CDH8: variants seen among roughly 807,000 people sequenced by gnomAD.
CDH8 encodes the protein cadherin 8.
A neutral mutation model predicts 68.1 loss-of-function variants in CDH8; 17 were observed. The ratio of observed to expected loss-of-function variants is 0.25; its 90% confidence interval spans 0.17 to 0.37. CDH8 has a LOEUF of 0.37. Among genes scored for constraint, CDH8 ranks in the 10% least tolerant of loss-of-function variants. The pLI is 1.00. For missense variants in CDH8, 763 were observed against 999.3 expected, an observed-to-expected ratio of 0.76 and a Z score of 3.19; for synonymous variants, 372 against 365.1, an observed-to-expected ratio of 1.02 and a Z score of -0.21.
intron 3 of CDH8, among the ~76,000 whole-genome samples, chr16:61,866,618 T>G (rs1963259971): frequency 6.6e-6 from 1 of 152,044 alleles, no homozygotes; most frequent in African/African-American, 2.4e-5. Flanking sequence ...TAATATCAGA[T>G]GTTTCTGTTG....
intron 2 of CDH8, among the ~76,000 whole-genome samples, chr16:61,981,762 T>C (rs1965535919): frequency 6.6e-6 from 1 of 152,212 alleles, no homozygotes; most frequent in Admixed American, 6.5e-5. Flanking sequence ...GAGAATTTTC[T>C]CTGCATCCAG....
At position 61,679,417 on chromosome 16, in the gene CDH8, T is replaced by C. The variant is rs578224583; in HGVS notation, c.1655-23696A>G. Among the ~76,000 whole-genome samples the C allele has an allele frequency of 4.6e-5, 7 of 152,056 alleles. No individual in the cohort carries two copies. In the South Asian group the frequency reaches 1.5e-3, roughly 32 times the overall value. ...TGTTATCATTATACCAATGGAACAA[T>C]TTTTTTGAATGCATTTCTGGGCAGA... is the stretch of plus-strand genomic sequence containing the variant. On this transcript the variant is annotated intron_variant, in intron 10 of 11. Transcript: ENST00000577390.
intron 2 of CDH8, among the ~76,000 whole-genome samples, chr16:61,917,449 C>T (rs1423009588): frequency 6.6e-6 from 1 of 152,128 alleles, no homozygotes; most frequent in African/African-American, 2.4e-5. Flanking sequence ...CTAGTGTGTC[C>T]TGTTCCCCAG....
intron 2 of CDH8, among the ~76,000 whole-genome samples, chr16:62,003,649 C>A (rs534221369): frequency 6.6e-6 from 1 of 152,120 alleles, no homozygotes; most frequent in Non-Finnish European, 1.5e-5. Flanking sequence ...CTGTGTCTCA[C>A]GTCACTGTTG....
chr16:61,964,420 T>C (rs970134976), intron 2 of CDH8, among the ~76,000 whole-genome samples: 1 of 151,886 alleles, frequency 6.6e-6, no homozygotes, highest in African/African-American at 2.4e-5. Flanking sequence ...ATTTAGACAC[T>C]CCAATTCACA....
intron 8 of CDH8, among the ~76,000 whole-genome samples, chr16:61,782,683 G>A (rs1199977279): frequency 6.6e-6 from 1 of 152,122 alleles, no homozygotes. Flanking sequence ...AGACTTAAAT[G>A]TCCCTGTCTG....
At chr16:61,994,395 CTTGA>C (rs1363445254) in intron 2 of CDH8, among the ~76,000 whole-genome samples, 17 of 152,256 alleles carry the variant, frequency 1.1e-4, no homozygotes, top group Admixed American at 5.2e-4. Context: ...TGTGGATTCC[CTTGA>C]TTGTCTCCTC....
intron 2 of CDH8, among the ~76,000 whole-genome samples, chr16:61,919,409 A>C (rs1023037944): frequency 1.4e-5 from 2 of 147,008 alleles, no homozygotes; most frequent in African/African-American, 5.0e-5. Flanking sequence ...AGAAGTTGGA[A>C]ACTTTGAAAA....
chr16:61,986,979 A>G (rs904940255), intron 2 of CDH8, among the ~76,000 whole-genome samples: 3 of 152,208 alleles, frequency 2.0e-5, no homozygotes, highest in African/African-American at 2.4e-5. Context: ...TGGAAAAACA[A>G]TGAGAATCAC....
At chr16:61,764,935 T>G (rs1960550862) in intron 8 of CDH8, among the ~76,000 whole-genome samples, 1 of 152,058 alleles carries the variant, frequency 6.6e-6, no homozygotes, top group African/African-American at 2.4e-5. Flanking sequence ...CTATCTAATT[T>G]TATCTTATTT....
intron 8 of CDH8, among the ~76,000 whole-genome samples, chr16:61,736,510 C>T (rs148099544): frequency 6.6e-6 from 1 of 152,186 alleles, no homozygotes; most frequent in African/African-American, 2.4e-5. Flanking sequence ...ATATGAATGC[C>T]TCAGAAATCT....
chr16:61,966,595 C>G (rs1312006140), intron 2 of CDH8, among the ~76,000 whole-genome samples: 1 of 151,998 alleles, frequency 6.6e-6, no homozygotes. Flanking sequence ...CAGAAACACA[C>G]ACAGAGTAGT....
chr16:61,853,525 A>G (rs553654059), intron 4 of CDH8, among the ~76,000 whole-genome samples: 23 of 152,214 alleles, frequency 1.5e-4, no homozygotes, highest in African/African-American at 5.5e-4. Flanking sequence ...GACCCTTGAT[A>G]GTATGCCAGA....
intron 10 of CDH8, among the ~76,000 whole-genome samples, chr16:61,691,073 C>T (rs1191891340): frequency 6.6e-6 from 1 of 152,044 alleles, no homozygotes; most frequent in South Asian, 2.1e-4. Context: ...TTCGAAAAGG[C>T]CTGTTTTCCC....
At chr16:61,968,196 C>CA (rs530362524) in intron 2 of CDH8, among the ~76,000 whole-genome samples, 2 of 152,200 alleles carry the variant, frequency 1.3e-5, no homozygotes, top group African/African-American at 4.8e-5. Flanking sequence ...GATCCACTTC[C>CA]AAAAAATTAC....
chr16:61,663,896 G>T (rs1963617764), intron 10 of CDH8, among the ~76,000 whole-genome samples: 1 of 151,964 alleles, frequency 6.6e-6, no homozygotes, highest in African/African-American at 2.4e-5. Flanking sequence ...GTCTTGAGGG[G>T]GAGGGAAACA....
chr16:61,779,344 A>T (rs548472841), intron 8 of CDH8, among the ~76,000 whole-genome samples: 19 of 151,950 alleles, frequency 1.3e-4, no homozygotes, highest in South Asian at 4.2e-4. Context: ...GGAAAATTTT[A>T]AAAAAAAGAA....
Position 61,834,902 on chromosome 16 carries a change from C to T in CDH8, c.668-9723G>A, listed in dbSNP as rs561181785. Among the ~76,000 whole-genome samples the T allele has an allele frequency of 2.0e-5, 3 of 152,032 alleles. No individual in the cohort carries two copies. In the South Asian group the frequency reaches 6.2e-4, roughly 32 times the overall value. On this transcript the variant is annotated intron_variant, in intron 4 of 11. Transcript: ENST00000577390. ...AAGGTCTTGGACAAAGTCCCGCAGC[C>T]TGCAGCTGTGGCGTCCAAATCTTGG...
chr16:61,787,940 G>T (rs1330617418), intron 8 of CDH8, among the ~76,000 whole-genome samples: 106 of 84,746 alleles, frequency 1.3e-3, no homozygotes, highest in African/African-American at 7.0e-3. Flanking sequence ...GGGGACTGTG[G>T]TGGGGGGGGC....
Sources: gnomAD v4.1 joint callset for allele counts (sites outside exome capture counted in the v4.1 genomes callset) on GRCh38, gnomAD v4.1.1 for gene constraint, MANE v1.5 for transcripts, NCBI Gene and HGNC (gene_info 2026-07-23, HGNC 2026-07-21) for gene names.